The following KSR1 variants were observed in gnomAD, a reference collection of about 807,000 sequenced individuals.
KSR1 encodes kinase suppressor of ras 1, also known as kinase suppressor of ras.
In KSR1, 35 loss-of-function variants were observed where a neutral mutation model predicts 92.9. The ratio of observed to expected loss-of-function variants is 0.38; its 90% CI spans 0.29 to 0.50. The LOEUF (loss-of-function observed/expected upper bound fraction) is 0.50. Ranked by LOEUF, KSR1 falls within the 20% of genes least tolerant of loss-of-function variation. KSR1 has a pLI of 0.94. For missense variants in KSR1, 972 were observed against 1,158.5 expected, an observed-to-expected ratio of 0.84 and a Z score of 2.34; for synonymous variants, 467 against 472.6, an observed-to-expected ratio of 0.99 and a Z score of 0.15.
At chr17:27,611,659 T>G in intron 18 of KSR1, 30 bp downstream of exon 18, 1 of 1,613,032 alleles carries the variant, frequency 6.2e-7, no homozygotes, top group South Asian at 1.1e-5. Flanking sequence ...GGTGGAGCAG[T>G]AGGGCTGGAG....
chr17:27,505,954 C>T (rs2069363880), intron 1 of KSR1, among the ~76,000 whole-genome samples: 1 of 152,292 alleles, frequency 6.6e-6, no homozygotes, highest in Middle Eastern at 3.4e-3. Flanking sequence ...ATGGCTTGTG[C>T]ATAGTTGATG....
At chr17:27,507,511 T>C (rs2069431454) in intron 1 of KSR1, among the ~76,000 whole-genome samples, 1 of 151,710 alleles carries the variant, frequency 6.6e-6, no homozygotes, top group Admixed American at 6.6e-5. Flanking sequence ...GAAGTGATAT[T>C]TTGGGTATGT....
chr17:27,619,703 C>T (rs551485519), intron 19 of KSR1, among the ~76,000 whole-genome samples: 1 of 148,902 alleles, frequency 6.7e-6, no homozygotes, highest in Non-Finnish European at 1.5e-5. Context: ...AGCCTCCAGG[C>T]CTTGTCTTTT....
intron 1 of KSR1, among the ~76,000 whole-genome samples, chr17:27,502,372 G>A (rs2069222333): frequency 6.6e-6 from 1 of 152,202 alleles, no homozygotes. Flanking sequence ...GAGTGGGCTT[G>A]ATGACCCTGA....
chr17:27,599,911 C>T lies in KSR1; in HGVS notation c.1469-1449C>T, dbSNP rs182463315. Among the ~76,000 whole-genome samples, 53 of 151,926 alleles carry T rather than the reference C, an allele frequency of 3.5e-4. No individual in the cohort carries two copies. The East Asian group carries it at 7.2e-3, about 21-fold the overall frequency. On this transcript the variant is annotated intron_variant, in intron 10 of 20. Transcript: ENST00000644974. ...ACTTTTTTGTTAACTAAGACACACA[C>T]GCTAGCCTAGGCCTGTGCAGCCTCA...
At position 27,559,004 on chromosome 17, in the gene KSR1, C is replaced by T. The variant is rs2071719409; in HGVS notation, c.372+8296C>T. 6.6e-6 allele frequency among the ~76,000 whole-genome samples: 1 copy of T among 152,206 alleles called. No homozygotes were observed. The highest frequency in any genetic ancestry group is 1.5e-5 in the Non-Finnish European group (1 of 68,034). ...TGCAGCCGTCTGTGTGTGTAATCTC[C>T]TCCTTCCTTTTCCATATTGTTTTCC... On this transcript the variant is annotated intron_variant, in intron 2 of 20. Transcript: ENST00000644974. This position sits in a 1 kb window ranked among gnomAD's most constrained non-coding sequence, Gnocchi z 4.2.
chr17:27,557,974 G>A (rs1294997591), intron 2 of KSR1: 2 of 152,642 alleles, frequency 1.3e-5, no homozygotes, highest in African/African-American at 4.8e-5. Flanking sequence ...CTGTGCCCCC[G>A]AGTCAGGCTT....
At chr17:27,476,032 T>C (rs2068332052) in intron 1 of KSR1, among the ~76,000 whole-genome samples, 1 of 152,266 alleles carries the variant, frequency 6.6e-6, no homozygotes, top group African/African-American at 2.4e-5. Context: ...AAAATTCCTT[T>C]ATTATTGCTA....
At chr17:27,548,165 G>C (rs1352758936) in intron 1 of KSR1, among the ~76,000 whole-genome samples, 1 of 151,610 alleles carries the variant, frequency 6.6e-6, no homozygotes, top group African/African-American at 2.4e-5. Flanking sequence ...AGAGGCTGAG[G>C]TGGGAGGATT....
chr17:27,540,593 G>A lies in KSR1; in HGVS notation c.232-9975G>A, dbSNP rs187639527. Among the ~76,000 whole-genome samples, 392 of 152,346 alleles carry A rather than the reference G, an allele frequency of 2.6e-3. 3 individuals are homozygous for A. Among genetic ancestry groups the A allele is most frequent in the Admixed American group, 3.8e-3 (58 of 15,308 alleles). ...GGAGAGTGCGGGTATGGGCCGGGCC[G>A]GGAGAGGGCTGGCTGTTGCGAAATG... is the stretch of plus-strand genomic sequence containing the variant. On this transcript the variant is annotated intron_variant, in intron 1 of 20. Coordinates refer to ENST00000644974, the MANE Select transcript of KSR1 (RefSeq NM_001394583.1).
intron 1 of KSR1, among the ~76,000 whole-genome samples, chr17:27,463,153 C>T (rs2019527785): frequency 6.6e-6 from 1 of 152,212 alleles, no homozygotes; most frequent in Non-Finnish European, 1.5e-5. Flanking sequence ...GCAGGAATGG[C>T]AGCCTTCATA....
At chr17:27,576,246 C>A (rs1046269070) in intron 2 of KSR1, among the ~76,000 whole-genome samples, 1 of 152,146 alleles carries the variant, frequency 6.6e-6, no homozygotes, top group South Asian at 2.1e-4. Context: ...AGTAATACCC[C>A]CTTTTCTGTA....
chr17:27,469,250 T>C (rs1227741269), intron 1 of KSR1, among the ~76,000 whole-genome samples: 1 of 152,230 alleles, frequency 6.6e-6, no homozygotes, highest in Non-Finnish European at 1.5e-5. Flanking sequence ...TCTCATTTCT[T>C]TTCTCCGTGG....
intron 1 of KSR1, among the ~76,000 whole-genome samples, chr17:27,504,979 A>G (rs1362100290): frequency 6.6e-6 from 1 of 152,152 alleles, no homozygotes; most frequent in Non-Finnish European, 1.5e-5. Flanking sequence ...TCTTCCACTA[A>G]GGTAAGCATG....
chr17:27,541,807 C>T (rs1373442952), intron 1 of KSR1, among the ~76,000 whole-genome samples: 1 of 152,190 alleles, frequency 6.6e-6, no homozygotes, highest in South Asian at 2.1e-4. Context: ...GTGGGTTTCA[C>T]ATGAGAGGTT....
chr17:27,595,152 C>T (rs2073297478), intron 9 of KSR1, among the ~76,000 whole-genome samples: 1 of 152,222 alleles, frequency 6.6e-6, no homozygotes, highest in Non-Finnish European at 1.5e-5. Context: ...TTTAACCCAA[C>T]TTGGCCTCAA....
At position 27,623,646 on chromosome 17, in the gene KSR1, G is replaced by C. The variant is rs981100695; in HGVS notation, c.*254G>C. 3.3e-6 allele frequency: 2 copies of C among 604,836 alleles called. No homozygotes were observed. The highest frequency in any genetic ancestry group is 5.8e-6 in the Non-Finnish European group (2 of 343,960). The allele number at this position is 604,836 out of a possible 1,614,324, so 37.5% of individuals were successfully genotyped here. A position where few individuals can be genotyped will look rare whatever the true frequency, so the allele number is the denominator to read the frequency against. On this transcript the variant is annotated 3_prime_UTR_variant, in exon 21 of 21. Transcript: ENST00000644974. The stretch of plus-strand genomic sequence containing the variant: ...ATGTTTACACGTATATTTCTCCTGA[G>C]TGAACCTGATGTTTTACAATAGGTA...
At chr17:27,492,658 C>T (rs2068864711) in intron 1 of KSR1, among the ~76,000 whole-genome samples, 1 of 152,158 alleles carries the variant, frequency 6.6e-6, no homozygotes, top group South Asian at 2.1e-4. Context: ...GGGAGGCAGC[C>T]ATGAGTTAGA....
chr17:27,486,634 G>A (rs1232769154), intron 1 of KSR1, among the ~76,000 whole-genome samples: 1 of 152,214 alleles, frequency 6.6e-6, no homozygotes, highest in Non-Finnish European at 1.5e-5. Flanking sequence ...AAAGCTCGGA[G>A]TGCCAACCTT....
Sources: gnomAD v4.1 joint callset for allele counts (sites outside exome capture counted in the v4.1 genomes callset) on GRCh38, gnomAD v4.1.1 for gene constraint, Gnocchi (gnomAD v3.1) non-coding constraint, MANE v1.5 for transcripts, NCBI Gene and HGNC (gene_info 2026-07-23, HGNC 2026-07-21) for gene names.